The following BANK1 variants were observed in gnomAD, a reference collection of about 807,000 sequenced individuals.
The protein encoded by BANK1 is B cell scaffold protein with ankyrin repeats 1.
Under a neutral mutation model 94.5 loss-of-function variants are expected in BANK1, and 95 were observed. That is an observed-to-expected ratio of 1.00 (90% confidence interval 0.85 to 1.19). BANK1 has a LOEUF of 1.19. BANK1 is among the 50% of genes most tolerant of loss of function. The pLI is 0.00. For synonymous variants in BANK1, 334 were observed against 308.4 expected (o/e 1.08, Z -0.87); for missense variants, 987 against 932.2 (o/e 1.06, Z -0.77).
intron 7 of BANK1, among the ~76,000 whole-genome samples, chr4:101,925,934 A>G (rs1362067457): frequency 6.6e-6 from 1 of 151,792 alleles, no homozygotes; most frequent in Non-Finnish European, 1.5e-5. Flanking sequence ...TTGACACCAT[A>G]TCTGTCGAGC....
chr4:101,795,364 C>A (rs1446563362), intron 1 of BANK1, among the ~76,000 whole-genome samples: 2 of 147,842 alleles, frequency 1.4e-5, no homozygotes, highest in Non-Finnish European at 3.0e-5. Flanking sequence ...TCACTGTGTT[C>A]TTTTATCTAT....
At chr4:102,029,149 C>A (rs1578465992) in intron 9 of BANK1, among the ~76,000 whole-genome samples, 1 of 152,264 alleles carries the variant, frequency 6.6e-6, no homozygotes, top group Middle Eastern at 3.4e-3. Flanking sequence ...TTACCTCAGC[C>A]TCCCAAAGCA....
At chr4:102,007,752 G>T (rs1726353583) in intron 7 of BANK1, among the ~76,000 whole-genome samples, 1 of 151,994 alleles carries the variant, frequency 6.6e-6, no homozygotes, top group African/African-American at 2.4e-5. Flanking sequence ...TATTTCTATT[G>T]ATCAGGAATA....
chr4:101,795,253 G>A (rs564152983), intron 1 of BANK1, among the ~76,000 whole-genome samples: 3 of 152,136 alleles, frequency 2.0e-5, no homozygotes, highest in Admixed American at 1.3e-4. Flanking sequence ...ATATGAAATG[G>A]GAATCATACT....
chr4:101,923,804 CT>C, intron 7 of BANK1, among the ~76,000 whole-genome samples: 1 of 151,682 alleles, frequency 6.6e-6, no homozygotes, highest in Non-Finnish European at 1.5e-5. Context: ...TTGTTATTGA[CT>C]TTTTTTCATA....
chr4:101,866,319 A>G (rs1292810480), intron 4 of BANK1, among the ~76,000 whole-genome samples: 1 of 152,156 alleles, frequency 6.6e-6, no homozygotes, highest in Non-Finnish European at 1.5e-5. Context: ...TAAAGAGAAA[A>G]AAGTTTTTTT....
At chr4:101,797,323 G>T (rs1303718247) in intron 1 of BANK1, among the ~76,000 whole-genome samples, 7 of 152,266 alleles carry the variant, frequency 4.6e-5, no homozygotes, top group Non-Finnish European at 1.5e-5. Flanking sequence ...GTGAGGAGAA[G>T]AATCTGAAAA....
At chr4:101,893,513 A>G (rs1194596400) in intron 5 of BANK1, among the ~76,000 whole-genome samples, 2 of 152,086 alleles carry the variant, frequency 1.3e-5, no homozygotes, top group African/African-American at 2.4e-5. Context: ...GAAAATTTAC[A>G]AACTAATGTT....
intron 7 of BANK1, among the ~76,000 whole-genome samples, chr4:102,005,345 T>A (rs1726223254): frequency 6.6e-6 from 1 of 152,098 alleles, no homozygotes; most frequent in Admixed American, 6.6e-5. Context: ...AATAAATGCA[T>A]GAACAAAGAA....
rs201958217 is a variant in BANK1 at position 102,030,012 on chromosome 4, T to C, written c.1647T>C (p.Gly549=). 4.1e-5 allele frequency: 66 copies of C among 1,613,292 alleles called. No homozygotes were observed. The highest frequency in any genetic ancestry group is 3.5e-5 in the Non-Finnish European group (41 of 1,179,814). The change falls in exon 10 of 17, where the codon GGT becomes GGC. Residue 549 remains glycine (G), a synonymous_variant. Transcript: ENST00000322953. ...MERSQNWGHP[G]VRQETGDEPK... The stretch of plus-strand genomic sequence containing the variant: ...GAAGTCAAAACTGGGGTCATCCTGG[T>C]GTTAGACAAGAAACAGGAGATGAAC...
intron 6 of BANK1, among the ~76,000 whole-genome samples, chr4:101,900,223 G>C (rs141984914): frequency 0.016 from 2,372 of 152,254 alleles, 162 homozygotes; most frequent in Admixed American, 0.12. Flanking sequence ...GTATAGGAAA[G>C]CTCTTCTTCA....
intron 7 of BANK1, among the ~76,000 whole-genome samples, chr4:101,919,484 G>A (rs976612198): frequency 6.6e-6 from 1 of 151,974 alleles, no homozygotes; most frequent in Non-Finnish European, 1.5e-5. Context: ...GGTAGGATAT[G>A]AGGTTTGATG....
At chr4:101,895,894 A>C (rs977010603) in intron 6 of BANK1, among the ~76,000 whole-genome samples, 21 of 151,824 alleles carry the variant, frequency 1.4e-4, no homozygotes, top group Non-Finnish European at 2.9e-4. Flanking sequence ...GCAGAGAGAG[A>C]GTGTGATCAT....
chr4:101,913,100 C>G (rs1053598074), intron 6 of BANK1, among the ~76,000 whole-genome samples: 1 of 152,168 alleles, frequency 6.6e-6, no homozygotes, highest in Non-Finnish European at 1.5e-5. Flanking sequence ...CCCAGCCCAT[C>G]TGGTTTGTGC....
intron 3 of BANK1, among the ~76,000 whole-genome samples, chr4:101,855,910 C>T (rs1727661897): frequency 1.3e-5 from 2 of 152,098 alleles, no homozygotes; most frequent in South Asian, 4.1e-4. Context: ...ATGTCTTCCT[C>T]CTAAATCTTG....
chr4:101,936,195 A>T (rs899167389), intron 7 of BANK1, among the ~76,000 whole-genome samples: 15 of 149,120 alleles, frequency 1.0e-4, no homozygotes, highest in East Asian at 5.9e-4. Context: ...TGATATATAT[A>T]TTTTTTATAT....
chr4:101,862,668 A>G lies in BANK1; in HGVS notation c.763+4A>G, dbSNP rs1008146846. ...GTCTGGTGCATGAAAGCTTTAGGTA[A>G]GAATGTTTATGATTTAATAAGCATA... On this transcript the variant is annotated splice_donor_region_variant and intron_variant, in intron 4 of 16. Transcript: ENST00000322953. 6.3e-7 allele frequency: 1 copy of G among 1,592,226 alleles called. No homozygotes were observed. Among genetic ancestry groups the G allele is most frequent in the Non-Finnish European group, 8.5e-7 (1 of 1,172,408 alleles).
At chr4:101,998,020 T>A (rs1423465887) in intron 7 of BANK1, among the ~76,000 whole-genome samples, 1 of 152,192 alleles carries the variant, frequency 6.6e-6, no homozygotes, top group African/African-American at 2.4e-5. Context: ...GAGTGGCGAT[T>A]TTAGATCTTT....
At chr4:101,895,085 CAG>C (rs1722015343) in intron 5 of BANK1, among the ~76,000 whole-genome samples, 1 of 151,582 alleles carries the variant, frequency 6.6e-6, no homozygotes, top group African/African-American at 2.4e-5. Flanking sequence ...TATCCAAAAG[CAG>C]AGACTTTTAT....
Sources: gnomAD v4.1 joint callset for allele counts (sites outside exome capture counted in the v4.1 genomes callset) on GRCh38, gnomAD v4.1.1 for gene constraint, MANE v1.5 for transcripts, NCBI Gene and HGNC (gene_info 2026-07-23, HGNC 2026-07-21) for gene names.